Variants in ATP8B3 observed in about 807,000 individuals in gnomAD.
The protein encoded by ATP8B3 is phospholipid-transporting ATPase IK.
ATP8B3 carries 141 observed loss-of-function variants against 140.9 expected under a neutral mutation model. The ratio of observed to expected loss-of-function variants is 1.00; its 90% CI spans 0.87 to 1.15. The LOEUF is 1.15. Ranked by LOEUF, ATP8B3 falls within the 50% of genes most tolerant of loss-of-function variation. The pLI, the probability that ATP8B3 is intolerant of heterozygous loss-of-function variation, is 0.00. For synonymous variants in ATP8B3, 765 were observed against 714.6 expected (o/e 1.07, Z -1.13); for missense variants, 1,874 against 1,740.6 (o/e 1.08, Z -1.36).
intron 4 of ATP8B3, among the ~76,000 whole-genome samples, chr19:1,809,375 G>A (rs1292747995): frequency 1.3e-5 from 2 of 151,300 alleles, no homozygotes; most frequent in East Asian, 3.9e-4. Flanking sequence ...CAGCTACTTG[G>A]GAGGCTGAGG....
intron 26 of ATP8B3, 54 bp from the exon 27 acceptor site, chr19:1,785,351 C>A: frequency 6.4e-7 from 1 of 1,553,694 alleles, no homozygotes; most frequent in Non-Finnish European, 8.7e-7. Flanking sequence ...TGCACCAGGA[C>A]ACCAGCCCCT....
intron 4 of ATP8B3, among the ~76,000 whole-genome samples, 196 bp from the exon 5 acceptor site, chr19:1,808,531 A>G (rs2069096988): frequency 6.7e-6 from 1 of 149,834 alleles, no homozygotes; most frequent in Non-Finnish European, 1.5e-5. Context: ...ACCAGCATTT[A>G]CTGAGCACCT....
Position 1,800,283 on chromosome 19 carries a change from G to C in ATP8B3, c.1319C>G (p.Thr440Ser). 4 of 1,612,232 alleles carry C rather than the reference G, an allele frequency of 2.5e-6. No homozygotes were observed. The highest frequency in any genetic ancestry group is 3.4e-6 in the Non-Finnish European group (4 of 1,179,670). ...FWSFLILLSV[T>S]IPMSMFILSE... ...CAGGATGAACATGGACATCGGGATG[G>C]TGACGCTGAGCAGGATGAGGAAGCT... Residue 440 changes from threonine (T) to serine (S), a missense_variant, in exon 13 of 29, where the codon ACC becomes AGC. By Grantham distance (58) the Thr-to-Ser change is moderately conservative (BLOSUM62 1). Coordinates refer to ENST00000310127, the MANE Select transcript of ATP8B3 (RefSeq NM_138813.4). The surrounding 1 kb of genome is among the most constrained non-coding windows in gnomAD (Gnocchi z 4.4).
chr19:1,805,941 C>A lies in ATP8B3; in HGVS notation c.768G>T (p.Leu256=), dbSNP rs775619168. The A allele has an allele frequency of 1.9e-6, 3 of 1,612,810 alleles. No individual in the cohort carries two copies. In the Admixed American group the frequency reaches 5.0e-5, roughly 27 times the overall value. Residue 256 remains leucine (L), a synonymous_variant, in exon 9 of 29, where the codon CTG becomes CTT. Transcript: ENST00000310127. This position sits in a 1 kb window ranked among gnomAD's most constrained non-coding sequence, Gnocchi z 5.2. ...ACAGGCTGCTGGGCTCCGTGCTGGCCAGCAAGAGCATGTCGGCCTGGTGTG... is the reference window on the plus strand; with the variant it reads ...ACAGGCTGCTGGGCTCCGTGCTGGCAAGCAAGAGCATGTCGGCCTGGTGTG... ...DNIVPADMLL[L]ASTEPSSLCY... is the part of the protein sequence containing the mutation.
At chr19:1,798,384 G>A (rs552167007) in intron 14 of ATP8B3, among the ~76,000 whole-genome samples, 5 of 151,990 alleles carry the variant, frequency 3.3e-5, no homozygotes, top group African/African-American at 9.7e-5. Flanking sequence ...TACGGCCTGC[G>A]AGCTAAGAAT....
intron 14 of ATP8B3, among the ~76,000 whole-genome samples, chr19:1,798,334 G>A (rs79744641): frequency 0.039 from 5,856 of 151,976 alleles, 426 homozygotes; most frequent in African/African-American, 0.13. Flanking sequence ...AATTAGACCC[G>A]GGGCTGTCAA....
At position 1,800,963 on chromosome 19, in the gene ATP8B3, G is replaced by C. The variant is rs183017929; in HGVS notation, c.1153-514C>G. On this transcript the variant is annotated intron_variant, in intron 12 of 28. Coordinates refer to ENST00000310127, the MANE Select transcript of ATP8B3 (RefSeq NM_138813.4). The surrounding 1 kb of genome is among the most constrained non-coding windows in gnomAD (Gnocchi z 4.4). ...CCTGCCTCAGCCTCCCGAGTAGCTG[G>C]GACTACAGGCGCCCGCCACCACGCC... Among the ~76,000 whole-genome samples, 17,267 of 150,722 alleles carry C rather than the reference G, an allele frequency of 0.11. 1,170 individuals carry two copies. The highest frequency in any genetic ancestry group is 0.17 in the African/African-American group (7,049 of 40,994).
rs757738418 is a variant in ATP8B3, at chr19:1,805,885, C to A, written c.821+3G>T. On this transcript the variant is annotated splice_donor_region_variant and intron_variant, in intron 9 of 28. Coordinates refer to ENST00000310127, the MANE Select transcript of ATP8B3 (RefSeq NM_138813.4). This position sits in a 1 kb window ranked among gnomAD's most constrained non-coding sequence, Gnocchi z 5.2. ...GGTCCCCAGCGATGCCACAGCTCCT[C>A]ACCCGTCAATGTCCACCGTCTCCAC... 1 of 1,612,894 alleles carries A rather than the reference C, an allele frequency of 6.2e-7. No homozygotes were observed. The highest frequency in any genetic ancestry group is 8.5e-7 in the Non-Finnish European group (1 of 1,179,858).
chr19:1,790,644 C>G (rs535455818), intron 21 of ATP8B3, 113 bp downstream of exon 21: 19 of 286,756 alleles, frequency 6.6e-5, no homozygotes, highest in African/African-American at 3.3e-4. Context: ...CCCTCTCAAT[C>G]CCCCCCTTCC....
rs533921870 is a variant in ATP8B3 at position 1,804,602 on chromosome 19, C to T, written c.904+772G>A. On this transcript the variant is annotated intron_variant, in intron 10 of 28. Transcript: ENST00000310127. Reference sequence around the variant, plus strand: ...CAGCCTGGGCAACAGAGCGAGACTCCGTCTCAAAAAAAAAAAAGAAAAAAG... The same window carrying T: ...CAGCCTGGGCAACAGAGCGAGACTCTGTCTCAAAAAAAAAAAAGAAAAAAG... Among the ~76,000 whole-genome samples, 15 of 149,000 alleles carry T rather than the reference C, an allele frequency of 1.0e-4. No individual in the cohort carries two copies. In the East Asian group the frequency reaches 1.2e-3, roughly 12 times the overall value.
chr19:1,803,747 T>C (rs188528930), intron 10 of ATP8B3, among the ~76,000 whole-genome samples: 1 of 151,856 alleles, frequency 6.6e-6, no homozygotes, highest in African/African-American at 2.4e-5. Flanking sequence ...AAATACAAAA[T>C]TAGCTGGGCG....
Position 1,788,974 on chromosome 19 carries a change from G to A in ATP8B3, c.2992C>T (p.Arg998Cys), listed in dbSNP as rs962625213. The change falls in exon 24 of 29, where the codon CGC becomes TGC. Residue 998 changes from arginine to cysteine, a missense_variant. Around this residue, in one of 3 missense-constraint regions of ATP8B3, gnomAD observed 840 missense variants for 760.9 expected, o/e 1.10. Coordinates refer to ENST00000310127, the MANE Select transcript of ATP8B3 (RefSeq NM_138813.4). ...GCCATGCTCTTGTAGAAGAAGTAGC[G>A]CAGGAACTTGCAGATCCGCACGTAG... ...WSYVRICKFLRYFFYKSMASM... is the reference protein window; with the variant it reads ...WSYVRICKFLCYFFYKSMASM... 21 of 1,609,648 alleles carry A rather than the reference G, an allele frequency of 1.3e-5. No homozygotes were observed. The highest frequency in any genetic ancestry group is 3.3e-4 in the Middle Eastern group (2 of 6,082).
Position 1,789,630 on chromosome 19 carries a change from T to A in ATP8B3, c.2576A>T (p.Asp859Val). Residue 859 changes from aspartate (D) to valine (V), a missense_variant, in exon 23 of 29, where the codon GAT becomes GTT. Asp to Val is a radical substitution (Grantham distance 152). Transcript: ENST00000310127. ...GGACAGGCGCCTGGCGTAGAGGAAA[T>A]CCCTCCTGGACTGGCCGAGCTCCTG... ...AWQELGQSRR[D>V]FLYARRLSLL... 1 of 1,593,864 alleles carries A rather than the reference T, an allele frequency of 6.3e-7. No individual in the cohort carries two copies. Among genetic ancestry groups the A allele is most frequent in the Non-Finnish European group, 8.5e-7 (1 of 1,174,096 alleles).
In ATP8B3 at chr19:1,802,570, T is replaced by G. The variant is rs1242201310; in HGVS notation, c.980A>C (p.Tyr327Ser). ...VGCLEWNDKKYSLDIGNLLLR... is the reference protein window; with the variant it reads ...VGCLEWNDKKSSLDIGNLLLR... The stretch of plus-strand genomic sequence containing the variant: ...GAGGAGGTTGCCAATGTCCAGGGAG[T>G]ATTTCTTGTCATTCCATTCCAGGCA... Residue 327 changes from tyrosine to serine, a missense_variant, in exon 11 of 29, where the codon TAC (tyrosine) becomes TCC (serine). Coordinates refer to ENST00000310127, the MANE Select transcript of ATP8B3 (RefSeq NM_138813.4). The G allele has an allele frequency of 2.5e-6, 4 of 1,607,286 alleles. No individual in the cohort carries two copies. The highest frequency in any genetic ancestry group is 2.5e-6 in the Non-Finnish European group (3 of 1,178,454).
chr19:1,790,133 C>T, intron 21 of ATP8B3, 144 bp from the exon 22 acceptor site: 1 of 618,390 alleles, frequency 1.6e-6, no homozygotes, highest in Admixed American at 2.4e-5. Flanking sequence ...CTTCCCCTCC[C>T]CTTTCCTCCT....
At chr19:1,785,433 T>C (rs774816932) in intron 26 of ATP8B3, 36 bp downstream of exon 26, 6 of 1,604,130 alleles carry the variant, frequency 3.7e-6, no homozygotes, top group Non-Finnish European at 5.1e-6. Flanking sequence ...CCATAGGCCA[T>C]GTCCAAGGCC....
intron 14 of ATP8B3, among the ~76,000 whole-genome samples, chr19:1,798,105 G>A (rs1365577216): frequency 1.4e-4 from 22 of 151,776 alleles, no homozygotes; most frequent in Non-Finnish European, 1.5e-5. Flanking sequence ...TGAGTAGCTG[G>A]GACTACAGGT....
chr19:1,808,534 G>T (rs1381552328), intron 4 of ATP8B3, among the ~76,000 whole-genome samples, 199 bp from the exon 5 acceptor site: 2 of 149,804 alleles, frequency 1.3e-5, no homozygotes, highest in Non-Finnish European at 2.9e-5. Flanking sequence ...AGCATTTACT[G>T]AGCACCTGCT....
Position 1,788,388 on chromosome 19 carries a change from C to A in ATP8B3, c.3069+509G>T, listed in dbSNP as rs537716653. The stretch of plus-strand genomic sequence containing the variant: ...TGAGTGTGCCGGGCACGGTGGCTCA[C>A]GCTGTAATCCCAGCACTTTGGGAGG... On this transcript the variant is annotated intron_variant, in intron 24 of 28. Coordinates refer to ENST00000310127, the MANE Select transcript of ATP8B3 (RefSeq NM_138813.4). 2.8e-3 allele frequency among the ~76,000 whole-genome samples: 432 copies of A among 152,246 alleles called. 2 individuals are homozygous for A. Among genetic ancestry groups the A allele is most frequent in the African/African-American group, 9.9e-3 (410 of 41,552 alleles).
Sources: gnomAD v4.1 joint callset for allele counts (sites outside exome capture counted in the v4.1 genomes callset) on GRCh38, gnomAD v4.1.1 for gene constraint, gnomAD v4.1.1 regional missense constraint, Gnocchi (gnomAD v3.1) non-coding constraint, MANE v1.5 for transcripts, NCBI Gene and HGNC (gene_info 2026-07-23, HGNC 2026-07-21) for gene names.